Variants in PPP2R2C observed in about 807,000 individuals in gnomAD.
PPP2R2C encodes the protein protein phosphatase 2, regulatory subunit B, gamma.
In PPP2R2C, 10 loss-of-function variants were observed where a neutral mutation model predicts 45.3. That is an observed-to-expected ratio of 0.22 (90% CI 0.14 to 0.37). The LOEUF (loss-of-function observed/expected upper bound fraction) is 0.37. Among genes scored for constraint, PPP2R2C ranks in the 10% least tolerant of loss-of-function variants. PPP2R2C has a pLI of 1.00. For synonymous variants in PPP2R2C, 257 were observed against 245.4 expected (o/e 1.05, Z -0.44); for missense variants, 308 against 619.7 (o/e 0.50, Z 5.34).
intron 1 of PPP2R2C, among the ~76,000 whole-genome samples, chr4:6,400,833 G>A (rs964442577): frequency 3.3e-5 from 5 of 152,206 alleles, no homozygotes; most frequent in African/African-American, 1.2e-4. Flanking sequence ...TGAAGCCGTT[G>A]CTAGCTTGCT....
At chr4:6,529,867 T>A (rs1007698045) in intron 2 of PPP2R2C, among the ~76,000 whole-genome samples, 1 of 152,100 alleles carries the variant, frequency 6.6e-6, no homozygotes, top group African/African-American at 2.4e-5. Context: ...ATGACAAGGA[T>A]TCCCCCAGGA....
intron 1 of PPP2R2C, among the ~76,000 whole-genome samples, chr4:6,557,251 T>G (rs1417132581): frequency 6.6e-6 from 1 of 152,188 alleles, no homozygotes; most frequent in Non-Finnish European, 1.5e-5. Flanking sequence ...CACTCATTGG[T>G]GTTATCCAAA....
chr4:6,410,665 C>A (rs1474394484), intron 1 of PPP2R2C, among the ~76,000 whole-genome samples: 1 of 151,958 alleles, frequency 6.6e-6, no homozygotes, highest in Non-Finnish European at 1.5e-5. Context: ...CTGCATACAC[C>A]TGCCTAATAT....
In PPP2R2C at chr4:6,521,471, C is replaced by G. The variant is rs192321223; in HGVS notation, c.49+13800G>C. On this transcript the variant is annotated intron_variant, in intron 2 of 9. Transcript: ENST00000506140. ...AAGCTTCTGCCATTCATTGAGCCCC[C>G]TCAAGGCCCTAACAAGGGACACCCC... 9.5e-4 allele frequency among the ~76,000 whole-genome samples: 144 copies of G among 152,338 alleles called. 2 individuals carry two copies. The highest frequency in any genetic ancestry group is 3.2e-3 in the African/African-American group (132 of 41,596).
intron 1 of PPP2R2C, among the ~76,000 whole-genome samples, chr4:6,397,788 A>G (rs1280612407): frequency 6.6e-6 from 1 of 152,244 alleles, no homozygotes; most frequent in East Asian, 1.9e-4. Context: ...GGTCCTAAGG[A>G]TTAAATAAGC....
At chr4:6,341,107 C>T (rs757335076) in intron 6 of PPP2R2C, among the ~76,000 whole-genome samples, 30 of 152,184 alleles carry the variant, frequency 2.0e-4, no homozygotes, top group Non-Finnish European at 2.6e-4. Flanking sequence ...TTTGGGAGGC[C>T]GAAGTGGACA....
chr4:6,357,903 G>A (rs1052500757), intron 5 of PPP2R2C, among the ~76,000 whole-genome samples: 4 of 152,012 alleles, frequency 2.6e-5, no homozygotes, highest in Admixed American at 6.5e-5. Flanking sequence ...TATAGTCCTC[G>A]GGCATGCAGA....
intron 2 of PPP2R2C, 99 bp downstream of exon 2, chr4:6,380,898 C>A: frequency 7.0e-7 from 1 of 1,431,168 alleles, no homozygotes; most frequent in Non-Finnish European, 9.2e-7. Flanking sequence ...CCGCATCACC[C>A]CTTATCCCCC....
intron 1 of PPP2R2C, chr4:6,414,167 G>T: frequency 9.8e-7 from 1 of 1,016,080 alleles, no homozygotes; most frequent in Non-Finnish European, 1.3e-6. Context: ...GGCCTAGTAT[G>T]CCTTTTTCCT....
At chr4:6,369,267 G>A (rs1714601440) in intron 5 of PPP2R2C, among the ~76,000 whole-genome samples, 1 of 152,220 alleles carries the variant, frequency 6.6e-6, no homozygotes, top group Non-Finnish European at 1.5e-5. Flanking sequence ...GCTGGTGGCT[G>A]CCGCCCCATG....
chr4:6,383,875 C>T (rs1420433128), intron 1 of PPP2R2C: 1 of 993,814 alleles, frequency 1.0e-6, no homozygotes, highest in Non-Finnish European at 1.2e-6. Context: ...CCTTTTAGGA[C>T]AGCTCCTGGC....
intron 1 of PPP2R2C, among the ~76,000 whole-genome samples, chr4:6,448,511 C>T (rs975652825): frequency 1.2e-4 from 18 of 152,044 alleles, no homozygotes; most frequent in African/African-American, 4.1e-4. Context: ...GAGGTCAGCC[C>T]GTCAAAACCA....
rs1326934434 is a variant in PPP2R2C at position 6,518,776 on chromosome 4, A to AC, written c.49+16494dup. 2.6e-5 allele frequency among the ~76,000 whole-genome samples: 4 copies of AC among 151,866 alleles called. No homozygotes were observed. In the East Asian group the frequency reaches 7.7e-4, roughly 29 times the overall value. The stretch of plus-strand genomic sequence containing the variant: ...CATCTCTACTAAAAATACAAAAATT[A>AC]CCCAGGCATAGTGGCACACGCCTGT... On this transcript the variant is annotated intron_variant, in intron 2 of 9. Coordinates refer to the PPP2R2C transcript ENST00000506140.
intron 6 of PPP2R2C, among the ~76,000 whole-genome samples, chr4:6,337,993 T>G (rs1733118617): frequency 2.0e-5 from 3 of 151,918 alleles, no homozygotes; most frequent in Admixed American, 2.0e-4. Flanking sequence ...AATCTACTAT[T>G]CCATATCAAT....
rs563417139 is a variant in PPP2R2C, at chr4:6,420,460, AC to A, written c.71-39367del. 1.5e-3 allele frequency among the ~76,000 whole-genome samples: 233 copies of A among 152,274 alleles called. 1 individual carries two copies. The highest frequency in any genetic ancestry group is 2.4e-3 in the Non-Finnish European group (166 of 68,002). On this transcript the variant is annotated intron_variant, in intron 1 of 8. Transcript: ENST00000382599. ...GGCCTCTCGCCCCAAGGACAGATGT[AC>A]TTTTTCTGCAAAGTGTCTGCCACAC... is the stretch of plus-strand genomic sequence containing the variant.
At chr4:6,337,249 C>A (rs757647838) in intron 6 of PPP2R2C, among the ~76,000 whole-genome samples, 3 of 149,550 alleles carry the variant, frequency 2.0e-5, no homozygotes, top group African/African-American at 7.4e-5. Flanking sequence ...TCACTTCGAA[C>A]GCTTGATTCC....
intron 5 of PPP2R2C, among the ~76,000 whole-genome samples, chr4:6,369,491 A>AT (rs1336367505): frequency 4.6e-5 from 7 of 152,162 alleles, no homozygotes. Flanking sequence ...AAAGAAAACA[A>AT]TTTTTTTTAA....
chr4:6,357,439 A>C (rs79009223), intron 5 of PPP2R2C, among the ~76,000 whole-genome samples: 4,833 of 152,312 alleles, frequency 0.032, 159 homozygotes, highest in African/African-American at 0.088. Context: ...ATTTCTATCG[A>C]AACTGCAAGG....
chr4:6,554,224 G>A (rs943782525), intron 1 of PPP2R2C, among the ~76,000 whole-genome samples: 3 of 152,126 alleles, frequency 2.0e-5, no homozygotes, highest in South Asian at 2.1e-4. Context: ...CCAAAATGAC[G>A]GGTGCCCTCA....
Sources: allele counts gnomAD v4.1 joint callset (sites outside exome capture counted in the v4.1 genomes callset), GRCh38; gene constraint gnomAD v4.1.1; transcripts MANE v1.5; gene names NCBI Gene and HGNC (gene_info 2026-07-23, HGNC 2026-07-21).